The following KCNH8 variants were observed in gnomAD, a reference collection of about 807,000 sequenced individuals.
The protein encoded by KCNH8 is voltage-gated delayed rectifier potassium channel KCNH8.
A neutral mutation model predicts 103.6 loss-of-function variants in KCNH8; 70 were observed. That is an observed-to-expected ratio of 0.68 (90% CI 0.56 to 0.82). The LOEUF (loss-of-function observed/expected upper bound fraction) is 0.82, where lower values mean the gene tolerates loss of function less well. KCNH8 is among the 40% of genes least tolerant of loss of function. KCNH8 has a pLI of 0.00. For synonymous variants in KCNH8, 498 were observed against 489.4 expected, an observed-to-expected ratio of 1.02 and a Z score of -0.23; for missense variants, 1,217 against 1,329.9, an observed-to-expected ratio of 0.92 and a Z score of 1.32.
intron 3 of KCNH8, among the ~76,000 whole-genome samples, chr3:19,337,436 T>C (rs1345363366): frequency 6.6e-6 from 1 of 152,044 alleles, no homozygotes; most frequent in Non-Finnish European, 1.5e-5. Flanking sequence ...CAGTGTTGCT[T>C]AGTAACTAAA....
chr3:19,285,564 A>G (rs1559459092), intron 3 of KCNH8, among the ~76,000 whole-genome samples: 1 of 152,228 alleles, frequency 6.6e-6, no homozygotes, highest in Non-Finnish European at 1.5e-5. Context: ...AAAAATAGCT[A>G]GCTCTTATTG....
At chr3:19,517,818 C>A (rs1409816810) in intron 14 of KCNH8, among the ~76,000 whole-genome samples, 180 bp from the exon 15 acceptor site, 1 of 151,988 alleles carries the variant, frequency 6.6e-6, no homozygotes, top group Non-Finnish European at 1.5e-5. Flanking sequence ...GAGAGTATAT[C>A]TGGTGCCATC....
chr3:19,340,871 C>CAGA (rs1189387747), intron 3 of KCNH8, among the ~76,000 whole-genome samples: 2 of 152,026 alleles, frequency 1.3e-5, no homozygotes, highest in Non-Finnish European at 2.9e-5. Flanking sequence ...AGCCAAGGGG[C>CAGA]AGAAGTAGGT....
intron 3 of KCNH8, among the ~76,000 whole-genome samples, chr3:19,303,900 C>A (rs112374027): frequency 7.1e-4 from 108 of 152,176 alleles, no homozygotes; most frequent in Non-Finnish European, 9.6e-4. Flanking sequence ...GGGAAATAGA[C>A]CCTTGATTTT....
At chr3:19,444,435 G>C (rs6776448) in intron 8 of KCNH8, among the ~76,000 whole-genome samples, 14,729 of 151,750 alleles carry the variant, frequency 0.097, 1,569 homozygotes, top group African/African-American at 0.25. Context: ...TTTTTATGAC[G>C]TCTGATTTGG....
Position 19,309,173 on chromosome 3 carries a change from T to C in KCNH8, c.442+27844T>C, listed in dbSNP as rs897954045. On this transcript the variant is annotated intron_variant, in intron 3 of 15. Coordinates refer to ENST00000328405, the MANE Select transcript of KCNH8 (RefSeq NM_144633.3). ...TAAGTGGTTTTCCTTTTCAATCCAC[T>C]GGTGTCCTGTTTTCTTTACCAGAGA... 4.6e-5 allele frequency among the ~76,000 whole-genome samples: 7 copies of C among 151,972 alleles called. 1 individual carries two copies. Among genetic ancestry groups the C allele is most frequent in the African/African-American group, 1.7e-4 (7 of 41,434 alleles).
At chr3:19,492,299 T>C (rs2068339866) in intron 11 of KCNH8, among the ~76,000 whole-genome samples, 2 of 152,218 alleles carry the variant, frequency 1.3e-5, no homozygotes, top group Non-Finnish European at 2.9e-5. Flanking sequence ...AAGATATTTA[T>C]AATTTTAGGT....
intron 1 of KCNH8, among the ~76,000 whole-genome samples, chr3:19,249,178 G>T (rs1040724553): frequency 6.6e-6 from 1 of 152,168 alleles, no homozygotes; most frequent in East Asian, 1.9e-4. Flanking sequence ...TGATGATTTC[G>T]TAAGTATTAT....
chr3:19,196,598 T>C (rs760245112), intron 1 of KCNH8, among the ~76,000 whole-genome samples: 42 of 152,026 alleles, frequency 2.8e-4, no homozygotes, highest in Non-Finnish European at 1.5e-4. Context: ...GGAAAGTGGA[T>C]AGAAGTGCAT....
intron 3 of KCNH8, among the ~76,000 whole-genome samples, chr3:19,330,366 A>G (rs2034007): frequency 0.28 from 41,852 of 151,986 alleles, 6,133 homozygotes; most frequent in East Asian, 0.56. Context: ...AATTACGTCT[A>G]TTTTTCCAAC....
At chr3:19,338,726 CTG>C (rs767679350) in intron 3 of KCNH8, among the ~76,000 whole-genome samples, 21 of 151,980 alleles carry the variant, frequency 1.4e-4, no homozygotes, top group Non-Finnish European at 7.4e-5. Context: ...TTTTACATGT[CTG>C]TGAATATTGT....
At chr3:19,305,413 G>A (rs932187439) in intron 3 of KCNH8, among the ~76,000 whole-genome samples, 2 of 152,128 alleles carry the variant, frequency 1.3e-5, no homozygotes, top group Admixed American at 6.6e-5. Context: ...GATTAAGGAA[G>A]TGAAGACAGA....
chr3:19,520,010 C>CA (rs566251016), intron 15 of KCNH8, among the ~76,000 whole-genome samples: 1,461 of 138,174 alleles, frequency 0.011, 13 homozygotes, highest in Non-Finnish European at 0.015. Context: ...GATCCATTAA[C>CA]AAAAAAAAAA....
chr3:19,279,581 AAAAT>A (rs1193908353), intron 2 of KCNH8, among the ~76,000 whole-genome samples: 2 of 151,708 alleles, frequency 1.3e-5, no homozygotes, highest in East Asian at 3.9e-4. Context: ...AAAAAAAAAA[AAAAT>A]AAGGAGGAAA....
At chr3:19,459,657 C>T (rs1288468978) in intron 11 of KCNH8, among the ~76,000 whole-genome samples, 2 of 151,962 alleles carry the variant, frequency 1.3e-5, no homozygotes, top group African/African-American at 4.8e-5. Flanking sequence ...GGAGTCATAT[C>T]CAAAAACATC....
At chr3:19,191,362 A>G (rs141653729) in intron 1 of KCNH8, among the ~76,000 whole-genome samples, 116 of 151,964 alleles carry the variant, frequency 7.6e-4, no homozygotes, top group African/African-American at 2.6e-3. Flanking sequence ...TGTTAATATG[A>G]TGAACAAAAA....
intron 1 of KCNH8, among the ~76,000 whole-genome samples, chr3:19,182,664 G>C (rs2125203562): frequency 6.6e-6 from 1 of 152,318 alleles, no homozygotes; most frequent in Admixed American, 6.5e-5. Flanking sequence ...AATAGGGAAA[G>C]AGGCCCCAGT....
chr3:19,245,054 T>A lies in KCNH8; in HGVS notation c.77-8600T>A, dbSNP rs1385153073. ...GCCAAGGCCAATATTGAGAAGGCTATTCCCTAAGTTTTCTTCAGGATTTTT... is the reference window on the plus strand; with the variant it reads ...GCCAAGGCCAATATTGAGAAGGCTAATCCCTAAGTTTTCTTCAGGATTTTT... On this transcript the variant is annotated intron_variant, in intron 1 of 15. Coordinates refer to ENST00000328405, the MANE Select transcript of KCNH8 (RefSeq NM_144633.3). Among the ~76,000 whole-genome samples, 3 of 152,200 alleles carry A rather than the reference T, an allele frequency of 2.0e-5. No homozygotes were observed. The East Asian group carries it at 5.8e-4, about 29-fold the overall frequency.
At chr3:19,429,308 G>C (rs967914005) in intron 7 of KCNH8, among the ~76,000 whole-genome samples, 1 of 151,676 alleles carries the variant, frequency 6.6e-6, no homozygotes, top group African/African-American at 2.4e-5. Flanking sequence ...GGAGTAGCTG[G>C]GACTACAGGT....
Sources: allele counts gnomAD v4.1 joint callset (sites outside exome capture counted in the v4.1 genomes callset), GRCh38; gene constraint gnomAD v4.1.1; transcripts MANE v1.5; gene names NCBI Gene and HGNC (gene_info 2026-07-23, HGNC 2026-07-21).